Variants in COL14A1 observed in about 807,000 individuals in gnomAD.
COL14A1 encodes the protein collagen type XIV alpha 1 chain.
COL14A1 carries 136 observed loss-of-function variants against 230.3 expected under a neutral mutation model. That is an observed-to-expected ratio of 0.59 (90% CI 0.51 to 0.68). The LOEUF (loss-of-function observed/expected upper bound fraction) is 0.68. Among genes scored for constraint, COL14A1 ranks in the 30% least tolerant of loss-of-function variants. The probability of loss-of-function intolerance (pLI) is 0.00; values close to 1 mark genes in which losing one functional copy is unlikely to be tolerated. For synonymous variants in COL14A1, 792 were observed against 784.1 expected (o/e 1.01, Z -0.17); for missense variants, 1,976 against 2,215.8 (o/e 0.89, Z 2.17).
rs2130017285 is a variant in COL14A1, at chr8:120,299,248, T to C, written c.4315-1484T>C. ...TACCGTATCAAAAAGCCAAACCATATAAATAAGACTTAACACCTCACAACA... is the reference window on the plus strand; with the variant it reads ...TACCGTATCAAAAAGCCAAACCATACAAATAAGACTTAACACCTCACAACA... On this transcript the variant is annotated intron_variant, in intron 35 of 47. Coordinates refer to ENST00000297848, the MANE Select transcript of COL14A1 (RefSeq NM_021110.4). Among the ~76,000 whole-genome samples the C allele has an allele frequency of 2.6e-5, 4 of 152,086 alleles. 1 individual carries two copies. In the South Asian group the frequency reaches 8.3e-4, roughly 32 times the overall value.
At position 120,200,048 on chromosome 8, in the gene COL14A1, A is replaced by AGCATATATATATGCATATATATATAT. The variant is rs764124914; in HGVS notation, c.877+494_877+495insGCATATATATATATGCATATATATAT. ...ATAAGGTATCCTTCTTGTGTGAAAA[A>AGCATATATATATGCATATATATATAT]GCATATATATATATAGATAGCATAC... is the stretch of plus-strand genomic sequence containing the variant. On this transcript the variant is annotated intron_variant, in intron 8 of 47. Coordinates refer to ENST00000297848, the MANE Select transcript of COL14A1 (RefSeq NM_021110.4). Among the ~76,000 whole-genome samples the AGCATATATATATGCATATATATATAT allele has an allele frequency of 1.1e-4, 16 of 149,552 alleles. No homozygotes were observed. In the South Asian group the frequency reaches 3.2e-3, roughly 30 times the overall value.
intron 26 of COL14A1, among the ~76,000 whole-genome samples, chr8:120,271,751 A>T (rs1819671594): frequency 6.6e-6 from 1 of 151,642 alleles, no homozygotes; most frequent in African/African-American, 2.4e-5. Context: ...AGAAGCAGGC[A>T]AAAGCCAGAT....
chr8:120,158,096 C>T, intron 2 of COL14A1, 34 bp from the exon 3 acceptor site: 1 of 1,144,844 alleles, frequency 8.7e-7, no homozygotes, highest in Admixed American at 2.1e-5. Context: ...TTAAATGTTA[C>T]AATGTTTACA....
intron 33 of COL14A1, among the ~76,000 whole-genome samples, chr8:120,288,243 G>A (rs529624656): frequency 6.6e-6 from 1 of 152,214 alleles, no homozygotes; most frequent in African/African-American, 2.4e-5. Context: ...ATGTGGTGGG[G>A]TTTATTCCAT....
rs116617662 is a variant in COL14A1, at chr8:120,286,800, C to T, written c.4077+830C>T. Among the ~76,000 whole-genome samples, 1,444 of 152,292 alleles carry T rather than the reference C, an allele frequency of 9.5e-3. 25 individuals are homozygous for T. The highest frequency in any genetic ancestry group is 0.033 in the African/African-American group (1,367 of 41,562). On this transcript the variant is annotated intron_variant, in intron 33 of 47. Transcript: ENST00000297848. ...CTGGGATTACAGGCGTGAGCCACCG[C>T]GCCTGGCCACTTGTCATTATTTTAA...
chr8:120,301,374 GC>G (rs1273068205), intron 36 of COL14A1, among the ~76,000 whole-genome samples: 1 of 151,852 alleles, frequency 6.6e-6, no homozygotes, highest in Non-Finnish European at 1.5e-5. Context: ...CCTCAGGTAG[GC>G]CCCCGTGTCT....
chr8:120,149,795 A>G (rs1350965933), intron 2 of COL14A1, among the ~76,000 whole-genome samples: 1 of 151,724 alleles, frequency 6.6e-6, no homozygotes, highest in Non-Finnish European at 1.5e-5. Context: ...CCTGCGTTCA[A>G]GCAATTCTCC....
chr8:120,311,952 C>T (rs28521120), intron 37 of COL14A1, among the ~76,000 whole-genome samples: 19,765 of 151,746 alleles, frequency 0.13, 1,405 homozygotes, highest in Non-Finnish European at 0.16. Context: ...ACAAAATTAG[C>T]TGGGTGTGGT....
chr8:120,227,091 C>A, intron 16 of COL14A1, 129 bp from the exon 17 acceptor site: 3 of 1,035,380 alleles, frequency 2.9e-6, no homozygotes, highest in Non-Finnish European at 4.1e-6. Flanking sequence ...CTGGCTTGAC[C>A]TTAAAATGGA....
chr8:120,242,988 C>T (rs1818650477), intron 19 of COL14A1, among the ~76,000 whole-genome samples: 1 of 152,160 alleles, frequency 6.6e-6, no homozygotes, highest in African/African-American at 2.4e-5. Flanking sequence ...TCTTGTGACT[C>T]CCTTAAACCC....
chr8:120,138,723 A>G (rs1030875980), intron 1 of COL14A1, among the ~76,000 whole-genome samples: 5 of 152,088 alleles, frequency 3.3e-5, no homozygotes, highest in Admixed American at 3.3e-4. Context: ...TCCTTTTATG[A>G]TTCTGGATGT....
intron 36 of COL14A1, among the ~76,000 whole-genome samples, chr8:120,304,021 T>C (rs1034468527): frequency 3.9e-5 from 6 of 152,194 alleles, no homozygotes; most frequent in Non-Finnish European, 5.9e-5. Flanking sequence ...TTCTAGTATG[T>C]GTGCATAGAG....
chr8:120,250,563 C>T, intron 21 of COL14A1, 54 bp from the exon 22 acceptor site: 4 of 1,578,160 alleles, frequency 2.5e-6, no homozygotes, highest in Non-Finnish European at 3.5e-6. Context: ...TCTAAGAGTG[C>T]TTCTATTTTC....
intron 36 of COL14A1, among the ~76,000 whole-genome samples, chr8:120,309,732 T>C (rs556330892): frequency 3.5e-4 from 54 of 152,314 alleles, no homozygotes; most frequent in African/African-American, 1.3e-3. Context: ...TTCATAATGG[T>C]AGTCTTCTAT....
At chr8:120,184,411 C>T (rs1368963733) in intron 5 of COL14A1, among the ~76,000 whole-genome samples, 2 of 151,870 alleles carry the variant, frequency 1.3e-5, no homozygotes, top group Non-Finnish European at 2.9e-5. Context: ...TACATCACTA[C>T]ACCTGGCTAA....
intron 1 of COL14A1, among the ~76,000 whole-genome samples, chr8:120,147,580 C>T (rs759499599): frequency 2.0e-5 from 3 of 152,176 alleles, no homozygotes; most frequent in Admixed American, 6.6e-5. Flanking sequence ...AAAGTACATT[C>T]TGAAGTTCTC....
intron 5 of COL14A1, among the ~76,000 whole-genome samples, chr8:120,168,986 G>C (rs909188902): frequency 5.9e-5 from 9 of 152,080 alleles, no homozygotes; most frequent in African/African-American, 1.9e-4. Context: ...CTCCTGAGTA[G>C]CTGGGATTAC....
At chr8:120,245,946 T>G (rs1818748484) in intron 20 of COL14A1, among the ~76,000 whole-genome samples, 1 of 152,084 alleles carries the variant, frequency 6.6e-6, no homozygotes, top group Admixed American at 6.5e-5. Flanking sequence ...TAGAACCCAC[T>G]CAGATCCAAA....
chr8:120,262,288 C>G (rs1819355729), intron 23 of COL14A1, among the ~76,000 whole-genome samples: 1 of 151,954 alleles, frequency 6.6e-6, no homozygotes, highest in African/African-American at 2.4e-5. Flanking sequence ...GCCTGGCCAA[C>G]ATGGTGAAAC....
Sources: allele counts gnomAD v4.1 joint callset (sites outside exome capture counted in the v4.1 genomes callset), GRCh38; gene constraint gnomAD v4.1.1; transcripts MANE v1.5; gene names NCBI Gene and HGNC (gene_info 2026-07-23, HGNC 2026-07-21).